Variants in SLC9A4 observed in about 807,000 individuals in gnomAD.
SLC9A4 encodes solute carrier family 9 member A4.
A neutral mutation model predicts 67.4 loss-of-function variants in SLC9A4; 63 were observed. The observed-to-expected ratio is 0.93, with a 90% CI of 0.76 to 1.15. The LOEUF is 1.15. Ranked by LOEUF, SLC9A4 falls within the 50% of genes most tolerant of loss-of-function variation. The pLI is 0.00. For synonymous variants in SLC9A4, 393 were observed against 367.2 expected, an observed-to-expected ratio of 1.07 and a Z score of -0.80; for missense variants, 1,089 against 987.7, an observed-to-expected ratio of 1.10 and a Z score of -1.38.
At chr2:102,488,332 A>G (rs1684629531) in intron 2 of SLC9A4, among the ~76,000 whole-genome samples, 1 of 152,092 alleles carries the variant, frequency 6.6e-6, no homozygotes, top group African/African-American at 2.4e-5. Context: ...AGCTTCCTCC[A>G]TGGTTGCATA....
At chr2:102,495,208 C>T (rs1270322866) in intron 2 of SLC9A4, among the ~76,000 whole-genome samples, 2 of 151,870 alleles carry the variant, frequency 1.3e-5, no homozygotes, top group African/African-American at 4.8e-5. Context: ...AATTAAAAAA[C>T]AAACTTCTAG....
intron 2 of SLC9A4, among the ~76,000 whole-genome samples, chr2:102,495,852 A>T (rs531574410): frequency 1.3e-4 from 20 of 152,298 alleles, no homozygotes; most frequent in Non-Finnish European, 2.5e-4. Flanking sequence ...GCCATATTTA[A>T]AAATTAACAC....
intron 8 of SLC9A4, among the ~76,000 whole-genome samples, chr2:102,517,353 A>G (rs1372240253): frequency 1.3e-5 from 2 of 152,202 alleles, no homozygotes; most frequent in Non-Finnish European, 2.9e-5. Context: ...GTCATATTTG[A>G]TATCTTGGAA....
chr2:102,474,968 C>T (rs1476907195), intron 1 of SLC9A4, among the ~76,000 whole-genome samples: 2 of 152,134 alleles, frequency 1.3e-5, no homozygotes, highest in Non-Finnish European at 2.9e-5. Context: ...CTGGCAGTTA[C>T]CTTCTGTGTG....
rs567676305 is a variant in SLC9A4 at position 102,530,639 on chromosome 2, A to G, written c.2039-1691A>G. Among the ~76,000 whole-genome samples, 4 of 152,322 alleles carry G rather than the reference A, an allele frequency of 2.6e-5. No individual in the cohort carries two copies. The South Asian group carries it at 8.3e-4, about 32-fold the overall frequency. On this transcript the variant is annotated intron_variant, in intron 11 of 11. Transcript: ENST00000295269. The stretch of plus-strand genomic sequence containing the variant: ...CACTCAACAGGAAAGGTTGGAGTGA[A>G]AGAACAGGGTTTGGGGGCAGAAGCC...
chr2:102,479,256 A>C lies in SLC9A4; in HGVS notation c.674A>C (p.Tyr225Ser), dbSNP rs1684406019. 6.2e-7 allele frequency: 1 copy of C among 1,613,936 alleles called. No homozygotes were observed. Among genetic ancestry groups the C allele is most frequent in the Non-Finnish European group, 8.5e-7 (1 of 1,179,944 alleles). Residue 225 changes from tyrosine to serine, a missense_variant, in exon 2 of 12, where the codon TAC becomes TCC. Tyr to Ser is a moderately radical substitution (Grantham distance 144). Coordinates refer to ENST00000295269, the MANE Select transcript of SLC9A4 (RefSeq NM_001011552.4). ...FEEARVNEQL[Y>S]MMIFGEALLN... ...GAAGCGCGCGTGAACGAGCAGCTCT[A>C]CATGATGATCTTTGGGGAGGCCCTG...
chr2:102,505,300 G>T lies in SLC9A4; in HGVS notation c.1027G>T (p.Val343Leu), dbSNP rs1685027506. 1.2e-6 allele frequency: 2 copies of T among 1,614,080 alleles called. No individual in the cohort carries two copies. The highest frequency in any genetic ancestry group is 1.3e-5 in the African/African-American group (1 of 74,924). ...VTMKKYVEEN[V>L]SQTSYTTIKY... ...AATGAAAAAGTACGTGGAAGAAAAC[G>T]TGTCCCAGACATCATACACGACCAT... The change falls in exon 4 of 12, where the codon GTG becomes TTG. Residue 343 changes from valine to leucine, a missense_variant. Physicochemically the swap from Val to Leu is conservative, Grantham distance 32. Coordinates refer to ENST00000295269, the MANE Select transcript of SLC9A4 (RefSeq NM_001011552.4).
intron 7 of SLC9A4, among the ~76,000 whole-genome samples, chr2:102,513,450 T>C (rs998232694): frequency 6.6e-6 from 1 of 152,244 alleles, no homozygotes; most frequent in African/African-American, 2.4e-5. Context: ...AGGCACCATA[T>C]GCATAGCGCA....
intron 1 of SLC9A4, 39 bp downstream of exon 1, chr2:102,474,054 T>C: frequency 6.3e-7 from 1 of 1,594,500 alleles, no homozygotes; most frequent in South Asian, 1.1e-5. Flanking sequence ...GTTATCTTTT[T>C]ACATAAGATA....
rs1358470776 is a variant in SLC9A4, at chr2:102,505,253, G to A, written c.981-1G>A. 1 of 1,613,312 alleles carries A rather than the reference G, an allele frequency of 6.2e-7. No individual in the cohort carries two copies. Among genetic ancestry groups the A allele is most frequent in the Admixed American group, 1.7e-5 (1 of 59,916 alleles). On this transcript the variant is annotated splice_acceptor_variant, in intron 3 of 11. Coordinates refer to ENST00000295269, the MANE Select transcript of SLC9A4 (RefSeq NM_001011552.4). LOFTEE classifies it high-confidence loss of function. The stretch of plus-strand genomic sequence containing the variant: ...TCTCTGAGACTCTGCTCCTTTTATA[G>A]AATCACAGCCTGCGCAGTAACAATG...
At chr2:102,476,439 C>G (rs575379749) in intron 1 of SLC9A4, among the ~76,000 whole-genome samples, 1 of 152,284 alleles carries the variant, frequency 6.6e-6, no homozygotes, top group African/African-American at 2.4e-5. Flanking sequence ...GTAGCATTTC[C>G]CTTTACAAGG....
In SLC9A4 at chr2:102,521,289, T is replaced by G. The variant is rs541288816; in HGVS notation, c.1818+1334T>G. Among the ~76,000 whole-genome samples the G allele has an allele frequency of 2.6e-5, 4 of 152,332 alleles. No homozygotes were observed. The South Asian group carries it at 8.3e-4, about 32-fold the overall frequency. On this transcript the variant is annotated intron_variant, in intron 9 of 11. Coordinates refer to ENST00000295269, the MANE Select transcript of SLC9A4 (RefSeq NM_001011552.4). The stretch of plus-strand genomic sequence containing the variant: ...CTCATCCTTTCTTTTCTTCCTTGGA[T>G]GCAGTTTCCAAGATAGCATCCTTTG...
rs544866614 is a variant in SLC9A4, at chr2:102,523,459, C to T, written c.1819-1565C>T. Among the ~76,000 whole-genome samples, 18 of 152,208 alleles carry T rather than the reference C, an allele frequency of 1.2e-4. No individual in the cohort carries two copies. In the East Asian group the frequency reaches 2.7e-3, roughly 23 times the overall value. The stretch of plus-strand genomic sequence containing the variant: ...ATTGTCAATCCCTTGTTGACTTGAC[C>T]GTCTCATGTATGGACTCAGTGAGGG... On this transcript the variant is annotated intron_variant, in intron 9 of 11. Transcript: ENST00000295269.
intron 2 of SLC9A4, among the ~76,000 whole-genome samples, chr2:102,493,577 T>C (rs1684748653): frequency 6.6e-6 from 1 of 151,696 alleles, no homozygotes; most frequent in South Asian, 2.1e-4. Context: ...TTCAATTACC[T>C]CCCACCATGT....
intron 2 of SLC9A4, among the ~76,000 whole-genome samples, chr2:102,480,289 A>T (rs2104414177): frequency 6.6e-6 from 1 of 151,332 alleles, no homozygotes; most frequent in South Asian, 2.1e-4. Flanking sequence ...TGTGTGTGTG[A>T]TCTGTATTTT....
At chr2:102,502,864 A>G (rs372483648) in intron 2 of SLC9A4, among the ~76,000 whole-genome samples, 2 of 152,360 alleles carry the variant, frequency 1.3e-5, no homozygotes, top group African/African-American at 4.8e-5. Flanking sequence ...GACATGTGGC[A>G]CGTGGGTCAT....
chr2:102,482,410 A>G (rs1008073090), intron 2 of SLC9A4, among the ~76,000 whole-genome samples: 7 of 152,204 alleles, frequency 4.6e-5, no homozygotes, highest in Non-Finnish European at 7.3e-5. Context: ...AAATGATGAT[A>G]CGCCTAGAAC....
rs1367156241 is a variant in SLC9A4, at chr2:102,508,099, A to G, written c.1219A>G (p.Ile407Val). The change falls in exon 5 of 12, where the codon ATC becomes GTC. Residue 407 changes from isoleucine (I) to valine (V), a missense_variant. Coordinates refer to ENST00000295269, the MANE Select transcript of SLC9A4 (RefSeq NM_001011552.4). ...TCTAGGCGTATTTGCTCTCTTCTAT[A>G]TCAGTAACCAGTTTCGGACTTTCCC... ...RAISVFALFYISNQFRTFPFS... is the reference protein window; with the variant it reads ...RAISVFALFYVSNQFRTFPFS... The G allele has an allele frequency of 6.2e-6, 10 of 1,614,096 alleles. No homozygotes were observed. Among genetic ancestry groups the G allele is most frequent in the Non-Finnish European group, 8.5e-6 (10 of 1,180,008 alleles).
chr2:102,476,391 C>G (rs1002642365), intron 1 of SLC9A4, among the ~76,000 whole-genome samples: 1 of 152,136 alleles, frequency 6.6e-6, no homozygotes, highest in Non-Finnish European at 1.5e-5. Flanking sequence ...CTCTATTGTC[C>G]ATCATGAAAG....
Sources: allele counts gnomAD v4.1 joint callset (sites outside exome capture counted in the v4.1 genomes callset), GRCh38; gene constraint gnomAD v4.1.1; transcripts MANE v1.5; gene names NCBI Gene and HGNC (gene_info 2026-07-23, HGNC 2026-07-21).